The following NEGR1 variants were observed in gnomAD, a reference collection of about 807,000 sequenced individuals.
NEGR1 encodes IgLON family member 4.
Under a neutral mutation model 40.9 loss-of-function variants are expected in NEGR1, and 10 were observed. That is an observed-to-expected ratio of 0.24 (90% CI 0.15 to 0.42). The LOEUF (loss-of-function observed/expected upper bound fraction) is 0.42, where lower values mean the gene tolerates loss of function less well. NEGR1 is among the 10% of genes least tolerant of loss of function. The probability of loss-of-function intolerance (pLI) is 1.00; values close to 1 mark genes in which losing one functional copy is unlikely to be tolerated. For synonymous variants in NEGR1, 185 were observed against 166.8 expected, an observed-to-expected ratio of 1.11 and a Z score of -0.84; for missense variants, 352 against 438.9, an observed-to-expected ratio of 0.80 and a Z score of 1.77.
intron 1 of NEGR1, among the ~76,000 whole-genome samples, chr1:72,215,532 C>T (rs1008358882): frequency 5.9e-5 from 9 of 151,862 alleles, no homozygotes; most frequent in South Asian, 2.1e-4. Flanking sequence ...ACAAACAACC[C>T]GATCAAAAAG....
At chr1:71,579,239 A>G (rs553112138) in intron 6 of NEGR1, among the ~76,000 whole-genome samples, 4 of 152,118 alleles carry the variant, frequency 2.6e-5, no homozygotes, top group Non-Finnish European at 4.4e-5. Flanking sequence ...TGGGATTTCT[A>G]TTATTCACTT....
intron 1 of NEGR1, among the ~76,000 whole-genome samples, chr1:71,999,665 A>G (rs1646538871): frequency 2.2e-5 from 1 of 45,206 alleles, no homozygotes; most frequent in Non-Finnish European, 5.4e-5. Flanking sequence ...ATATATATAT[A>G]TATATATATA....
At position 71,859,257 on chromosome 1, in the gene NEGR1, C is replaced by G. The variant is rs80220277; in HGVS notation, c.409+75822G>C. ...CTGTTTCCAGAACATTCTGAGCATG[C>G]TCCTGTCTCAGAGCCTGGGAACTTC... is the stretch of plus-strand genomic sequence containing the variant. On this transcript the variant is annotated intron_variant, in intron 2 of 6. Transcript: ENST00000357731. Among the ~76,000 whole-genome samples, 56 of 152,148 alleles carry G rather than the reference C, an allele frequency of 3.7e-4. 1 individual carries two copies. In the East Asian group the frequency reaches 0.011, roughly 29 times the overall value.
At chr1:72,212,401 T>C (rs1442975373) in intron 1 of NEGR1, among the ~76,000 whole-genome samples, 1 of 151,884 alleles carries the variant, frequency 6.6e-6, no homozygotes, top group African/African-American at 2.4e-5. Context: ...CAGGACCAAA[T>C]TAAAACATTG....
At chr1:71,755,835 T>C (rs974373623) in intron 3 of NEGR1, among the ~76,000 whole-genome samples, 3 of 152,210 alleles carry the variant, frequency 2.0e-5, no homozygotes, top group Non-Finnish European at 4.4e-5. Flanking sequence ...TATTGCTATA[T>C]ACTTAAATTC....
intron 1 of NEGR1, among the ~76,000 whole-genome samples, chr1:72,246,282 A>T (rs1262694194): frequency 6.6e-6 from 1 of 152,274 alleles, no homozygotes; most frequent in African/African-American, 2.4e-5. Flanking sequence ...TTGTATTCCC[A>T]TTGTATTGTA....
intron 2 of NEGR1, among the ~76,000 whole-genome samples, chr1:71,897,259 A>T (rs1050676356): frequency 2.0e-5 from 3 of 152,142 alleles, no homozygotes; most frequent in Non-Finnish European, 2.9e-5. Flanking sequence ...CCATTTCCCG[A>T]CATGAATATC....
chr1:72,197,694 A>G (rs929350779), intron 1 of NEGR1, among the ~76,000 whole-genome samples: 1 of 151,982 alleles, frequency 6.6e-6, no homozygotes, highest in African/African-American at 2.4e-5. Context: ...TCTCTTTCAT[A>G]TAATATTACA....
intron 1 of NEGR1, among the ~76,000 whole-genome samples, chr1:72,078,782 G>T (rs943574878): frequency 4.6e-5 from 7 of 150,890 alleles, no homozygotes; most frequent in Non-Finnish European, 1.0e-4. Flanking sequence ...TGGGATTACA[G>T]GTGCCCACCA....
intron 1 of NEGR1, among the ~76,000 whole-genome samples, chr1:72,250,634 T>C (rs558130155): frequency 2.9e-4 from 44 of 152,308 alleles, no homozygotes; most frequent in African/African-American, 9.9e-4. Context: ...CAGAATCCTG[T>C]AATATCTTCA....
chr1:71,661,419 A>T (rs1652050934), intron 4 of NEGR1, among the ~76,000 whole-genome samples: 4 of 152,302 alleles, frequency 2.6e-5, no homozygotes, highest in African/African-American at 9.6e-5. Flanking sequence ...GTATAATGTA[A>T]AGGATGAGTA....
chr1:72,005,476 C>T lies in NEGR1; in HGVS notation c.177-70165G>A, dbSNP rs191679762. 2.0e-4 allele frequency among the ~76,000 whole-genome samples: 31 copies of T among 152,110 alleles called. No individual in the cohort carries two copies. The East Asian group carries it at 4.5e-3, about 22-fold the overall frequency. ...GACAAATTATAATTTTTAAAGAATA[C>T]GGTAAAATAACAAAGCTTTTAATAA... On this transcript the variant is annotated intron_variant, in intron 1 of 6. Coordinates refer to ENST00000357731, the MANE Select transcript of NEGR1 (RefSeq NM_173808.3).
At chr1:71,709,986 C>G (rs573704564) in intron 3 of NEGR1, among the ~76,000 whole-genome samples, 64 of 152,132 alleles carry the variant, frequency 4.2e-4, no homozygotes, top group African/African-American at 1.5e-3. Context: ...TGCAAAGTAC[C>G]CCTCTGACAA....
At chr1:71,583,631 A>G (rs1411879872) in intron 6 of NEGR1, among the ~76,000 whole-genome samples, 4 of 152,224 alleles carry the variant, frequency 2.6e-5, no homozygotes, top group African/African-American at 9.7e-5. Context: ...TCATAAACTA[A>G]GTGCTCCCAA....
intron 2 of NEGR1, among the ~76,000 whole-genome samples, chr1:71,864,360 T>C (rs1660050176): frequency 6.6e-6 from 1 of 152,158 alleles, no homozygotes; most frequent in Non-Finnish European, 1.5e-5. Context: ...ATGATATGAA[T>C]GGTCTAGCAG....
intron 1 of NEGR1, among the ~76,000 whole-genome samples, chr1:72,257,166 C>CACA: frequency 6.6e-6 from 1 of 151,578 alleles, no homozygotes; most frequent in South Asian, 2.1e-4. Flanking sequence ...ACTAAAAATA[C>CACA]AAAATATTAG....
At chr1:71,720,388 T>C (rs1168889022) in intron 3 of NEGR1, among the ~76,000 whole-genome samples, 1 of 152,194 alleles carries the variant, frequency 6.6e-6, no homozygotes, top group Non-Finnish European at 1.5e-5. Flanking sequence ...GAGCCATACA[T>C]ATGCATGGGT....
At chr1:71,741,587 T>C (rs997363636) in intron 3 of NEGR1, among the ~76,000 whole-genome samples, 2 of 152,160 alleles carry the variant, frequency 1.3e-5, no homozygotes, top group African/African-American at 4.8e-5. Context: ...CCAAAATTCA[T>C]ACAAAAAACC....
intron 6 of NEGR1, among the ~76,000 whole-genome samples, chr1:71,577,671 A>T (rs906041156): frequency 1.3e-5 from 2 of 152,172 alleles, no homozygotes; most frequent in Non-Finnish European, 2.9e-5. Context: ...TGGTAATCAG[A>T]CCAATTTCTA....
Sources: gnomAD v4.1 joint callset for allele counts (sites outside exome capture counted in the v4.1 genomes callset) on GRCh38, gnomAD v4.1.1 for gene constraint, MANE v1.5 for transcripts, NCBI Gene and HGNC (gene_info 2026-07-23, HGNC 2026-07-21) for gene names.